Variants in PPP4R3B observed in about 807,000 individuals in gnomAD.
PPP4R3B encodes the protein protein phosphatase 4 regulatory subunit 3B.
Under a neutral mutation model 95.4 loss-of-function variants are expected in PPP4R3B, and 52 were observed. That is an observed-to-expected ratio of 0.54 (90% confidence interval 0.44 to 0.69). The LOEUF (loss-of-function observed/expected upper bound fraction) is 0.69, where lower values mean the gene tolerates loss of function less well. PPP4R3B is among the 30% of genes least tolerant of loss of function. The pLI is 0.00. For missense variants in PPP4R3B, 1,003 were observed against 1,005.9 expected (o/e 1.00, Z 0.04); for synonymous variants, 407 against 343.9 (o/e 1.18, Z -2.03).
At chr2:55,603,515 T>TTAAG (rs1559043243) in intron 3 of PPP4R3B, among the ~76,000 whole-genome samples, 95 of 152,366 alleles carry the variant, frequency 6.2e-4, no homozygotes, top group African/African-American at 2.2e-3. Context: ...AAAAAAATTC[T>TTAAG]AGTTACTTAA....
intron 11 of PPP4R3B, among the ~76,000 whole-genome samples, chr2:55,575,961 T>C (rs1386890834): frequency 2.0e-5 from 3 of 152,202 alleles, no homozygotes; most frequent in African/African-American, 7.2e-5. Flanking sequence ...CTGTTTCTAC[T>C]TTAAATGCAA....
intron 3 of PPP4R3B, among the ~76,000 whole-genome samples, chr2:55,602,507 T>G (rs1692761654): frequency 6.6e-6 from 1 of 152,218 alleles, no homozygotes; most frequent in Non-Finnish European, 1.5e-5. Flanking sequence ...GTGGGGGCCT[T>G]GGACCACAAG....
At chr2:55,573,080 G>A (rs1432508875) in intron 12 of PPP4R3B, among the ~76,000 whole-genome samples, 1 of 152,066 alleles carries the variant, frequency 6.6e-6, no homozygotes, top group Admixed American at 6.6e-5. Context: ...GCTATTTTAA[G>A]TCCATAAAAA....
intron 13 of PPP4R3B, 195 bp downstream of exon 13, chr2:55,567,999 C>T (rs1687524549): frequency 1.3e-5 from 4 of 318,092 alleles, no homozygotes; most frequent in East Asian, 5.0e-5. Flanking sequence ...AAACTATAAC[C>T]ATGTGGCAAA....
Position 55,558,985 on chromosome 2 carries a change from A to C in PPP4R3B, c.2261-17T>G. The C allele has an allele frequency of 1.9e-6, 3 of 1,591,964 alleles. No individual in the cohort carries two copies. Among genetic ancestry groups the C allele is most frequent in the Non-Finnish European group, 2.6e-6 (3 of 1,168,488 alleles). ...TTTCTTTTGCTAAAGCAAAAGTAAA[A>C]TTTTGAACGTATATCAATAAATACT... On this transcript the variant is annotated splice_polypyrimidine_tract_variant and intron_variant, in intron 15 of 16. Coordinates refer to ENST00000616407, the MANE Select transcript of PPP4R3B (RefSeq NM_001122964.3).
chr2:55,551,140 GATA>G (rs944233458), intron 16 of PPP4R3B, among the ~76,000 whole-genome samples: 3 of 152,098 alleles, frequency 2.0e-5, no homozygotes, highest in Admixed American at 2.0e-4. Context: ...TCACCTGAGA[GATA>G]ATGAGTTCAA....
At position 55,564,418 on chromosome 2, in the gene PPP4R3B, C is replaced by A; in HGVS notation, c.2155G>T (p.Glu719Ter). 3 of 1,613,822 alleles carry A rather than the reference C, an allele frequency of 1.9e-6. No homozygotes were observed. The highest frequency in any genetic ancestry group is 1.7e-6 in the Non-Finnish European group (2 of 1,179,880). Residue 719 changes from glutamate (E) to a stop codon, truncating the protein, a stop_gained, in exon 15 of 17, where the codon GAA (glutamate) becomes TAA (stop). Coordinates refer to ENST00000616407, the MANE Select transcript of PPP4R3B (RefSeq NM_001122964.3). LOFTEE classifies it high-confidence loss of function. Reference sequence around the variant, plus strand: ...GCTTTTCCTTCCTCTTCTTCATCTTCATTAAACCACATTTCTTCATCCTCT... The same window carrying A: ...GCTTTTCCTTCCTCTTCTTCATCTTAATTAAACCACATTTCTTCATCCTCT... ...LEEDEEMWFN[E>*]DEEEEGKAVV... is the part of the protein sequence containing the mutation.
At chr2:55,583,518 A>G (rs1689702061) in intron 7 of PPP4R3B, among the ~76,000 whole-genome samples, 1 of 152,238 alleles carries the variant, frequency 6.6e-6, no homozygotes, top group Non-Finnish European at 1.5e-5. Context: ...TTAACAGTTT[A>G]CTAAGATCAT....
At chr2:55,582,173 C>A (rs925275566) in intron 7 of PPP4R3B, among the ~76,000 whole-genome samples, 2 of 152,142 alleles carry the variant, frequency 1.3e-5, no homozygotes, top group African/African-American at 4.8e-5. Flanking sequence ...AAAAATAACC[C>A]AGTACACAAC....
chr2:55,582,262 T>TTTTA (rs764502504), intron 7 of PPP4R3B, among the ~76,000 whole-genome samples: 38 of 152,092 alleles, frequency 2.5e-4, no homozygotes, highest in Admixed American at 4.6e-4. Flanking sequence ...TGCTCTTGGA[T>TTTTA]TTTATTTATT....
chr2:55,614,078 G>T (rs1694568261), intron 2 of PPP4R3B: 1 of 152,198 alleles, frequency 6.6e-6, no homozygotes, highest in Middle Eastern at 3.4e-3. Flanking sequence ...AAAAAGCTAT[G>T]AATTGAATAT....
chr2:55,554,319 G>A (rs543196501), intron 16 of PPP4R3B, among the ~76,000 whole-genome samples: 25 of 152,332 alleles, frequency 1.6e-4, no homozygotes, highest in African/African-American at 6.0e-4. Context: ...CTCCCAAAAT[G>A]CTGGGATTAC....
intron 14 of PPP4R3B, among the ~76,000 whole-genome samples, 154 bp downstream of exon 14, chr2:55,564,748 T>C (rs750790225): frequency 6.6e-6 from 1 of 152,132 alleles, no homozygotes; most frequent in Admixed American, 6.6e-5. Flanking sequence ...ATAAATGATA[T>C]GGGGTAGGGG....
Position 55,558,833 on chromosome 2 carries a change from G to A in PPP4R3B, c.2396C>T (p.Thr799Ile), listed in dbSNP as rs780115882. The A allele has an allele frequency of 2.0e-5, 33 of 1,613,412 alleles. No homozygotes were observed. Among genetic ancestry groups the A allele is most frequent in the Non-Finnish European group, 2.8e-5 (33 of 1,179,676 alleles). ...GGTTTTGGAAGAGGATCCATTAGAA[G>A]TTGCTGGTGGTATCTGAGCCACTAC... ...KSVVAQIPPA[T>I]SNGSSSKTTN... The change falls in exon 16 of 17, where the codon ACT becomes ATT. Residue 799 changes from threonine (T) to isoleucine (I), a missense_variant. By Grantham distance (89) the Thr-to-Ile change is moderately conservative. This residue lies in a region of PPP4R3B where 229 missense variants were observed against 194.7 expected (regional missense o/e 1.18). Coordinates refer to ENST00000616407, the MANE Select transcript of PPP4R3B (RefSeq NM_001122964.3).
At chr2:55,577,389 C>G in intron 10 of PPP4R3B, 33 bp from the exon 11 acceptor site, 2 of 1,405,710 alleles carry the variant, frequency 1.4e-6, no homozygotes, top group South Asian at 3.2e-5. Flanking sequence ...AAATAAAATA[C>G]TTCAGTAATA....
intron 3 of PPP4R3B, among the ~76,000 whole-genome samples, chr2:55,601,443 C>T (rs1027470312): frequency 1.9e-4 from 29 of 151,392 alleles, no homozygotes; most frequent in African/African-American, 6.6e-4. Flanking sequence ...TGCAATGGCG[C>T]GATCTCGGCT....
intron 7 of PPP4R3B, among the ~76,000 whole-genome samples, chr2:55,582,595 A>G (rs1689586527): frequency 6.6e-6 from 1 of 152,228 alleles, no homozygotes; most frequent in Admixed American, 6.5e-5. Context: ...GGCATTTGAC[A>G]GCCACTATCA....
chr2:55,569,597 C>T (rs971018094), intron 12 of PPP4R3B, among the ~76,000 whole-genome samples: 5 of 152,296 alleles, frequency 3.3e-5, no homozygotes, highest in South Asian at 2.1e-4. Context: ...CTCTCTGCCT[C>T]GGCTGCCAGG....
At chr2:55,576,551 G>T (rs1196404315) in intron 11 of PPP4R3B, among the ~76,000 whole-genome samples, 1 of 151,984 alleles carries the variant, frequency 6.6e-6, no homozygotes, top group African/African-American at 2.4e-5. Flanking sequence ...GACCACCCTG[G>T]CTAACACGGT....
Sources: gnomAD v4.1 joint callset for allele counts (sites outside exome capture counted in the v4.1 genomes callset) on GRCh38, gnomAD v4.1.1 for gene constraint, gnomAD v4.1.1 regional missense constraint, MANE v1.5 for transcripts, NCBI Gene and HGNC (gene_info 2026-07-23, HGNC 2026-07-21) for gene names.